The following MBNL3 variants were observed in gnomAD, a reference collection of about 807,000 sequenced individuals.
The protein encoded by MBNL3 is muscleblind-like protein 3.
Under a neutral mutation model 24.5 loss-of-function variants are expected in MBNL3, and 6 were observed. The ratio of observed to expected loss-of-function variants is 0.25; its 90% CI spans 0.13 to 0.48. The LOEUF (loss-of-function observed/expected upper bound fraction) is 0.48, where lower values mean the gene tolerates loss of function less well. Ranked by LOEUF, MBNL3 falls within the 20% of genes least tolerant of loss-of-function variation. The pLI is 0.99. For synonymous variants in MBNL3, 100 were observed against 101.7 expected (o/e 0.98, Z 0.10); for missense variants, 230 against 293.5 (o/e 0.78, Z 1.58).
chrX:132,385,198 G>A (rs990357856), intron 6 of MBNL3, among the ~76,000 whole-genome samples: 3 of 110,407 alleles, frequency 2.7e-5, no homozygotes, highest in African/African-American at 9.9e-5. Context: ...AGGCTTTTAT[G>A]TTGCTACTAA....
At chrX:132,485,648 T>A (rs1311007242) in intron 1 of MBNL3, among the ~76,000 whole-genome samples, 1 of 112,386 alleles carries the variant, frequency 8.9e-6, no homozygotes, top group African/African-American at 3.2e-5. Flanking sequence ...GCCCACATTA[T>A]GAAAGATCTA....
At chrX:132,485,435 T>G (rs961035500) in intron 1 of MBNL3, among the ~76,000 whole-genome samples, 3 of 112,382 alleles carry the variant, frequency 2.7e-5, no homozygotes, top group Non-Finnish European at 5.6e-5. Flanking sequence ...GCATTTTTAC[T>G]ACAATGATCT....
chrX:132,449,652 T>C (rs934479574), intron 1 of MBNL3, among the ~76,000 whole-genome samples: 2 of 109,295 alleles, frequency 1.8e-5, no homozygotes, highest in Non-Finnish European at 3.8e-5. Context: ...CCCATTTACA[T>C]TTAAGGTTAA....
intron 2 of MBNL3, among the ~76,000 whole-genome samples, chrX:132,425,279 A>C (rs891539478): frequency 8.9e-6 from 1 of 112,015 alleles, no homozygotes; most frequent in Non-Finnish European, 1.9e-5. Flanking sequence ...AATGGAGATG[A>C]ACATGGAGAA....
At position 132,439,752 on chromosome X, in the gene MBNL3, G is replaced by GT; in HGVS notation, c.-142dup. On this transcript the variant is annotated 5_prime_UTR_variant, in exon 2 of 9. It removes the in-frame stop codon of an upstream open reading frame in the 5' UTR. Coordinates refer to ENST00000370853, the MANE Select transcript of MBNL3 (RefSeq NM_001386889.1). ...GAAATGTCTATTTGTTAACACTTAG[G>GT]TTTTCATTAAAGTCAAATCTGGTCT... The GT allele has an allele frequency of 4.4e-6, 4 of 908,398 alleles. No individual in the cohort carries two copies. Among genetic ancestry groups the GT allele is most frequent in the Non-Finnish European group, 5.7e-6 (4 of 706,999 alleles). 74.9% of individuals were successfully genotyped at this position (908,398 alleles called of 1,213,427 possible). A position where few individuals can be genotyped will look rare whatever the true frequency, so the allele number is the denominator to read the frequency against.
At chrX:132,470,709 C>T (rs1410768007) in intron 1 of MBNL3, among the ~76,000 whole-genome samples, 2 of 111,426 alleles carry the variant, frequency 1.8e-5, no homozygotes, top group Non-Finnish European at 3.8e-5. Context: ...ATGATGCTTT[C>T]CCCCCTCCAC....
At chrX:132,449,991 C>G (rs978508520) in intron 1 of MBNL3, among the ~76,000 whole-genome samples, 5 of 70,502 alleles carry the variant, frequency 7.1e-5, no homozygotes, top group Non-Finnish European at 1.5e-4. Context: ...CCCCCCCCCC[C>G]CCGCCACTTC....
intron 2 of MBNL3, chrX:132,430,274 G>A (rs1201111450): frequency 2.7e-5 from 3 of 111,258 alleles, no homozygotes; most frequent in African/African-American, 9.8e-5. Flanking sequence ...AATACCTGGA[G>A]TCCCTGTATA....
chrX:132,468,978 T>C (rs1043481755), intron 1 of MBNL3, among the ~76,000 whole-genome samples: 2 of 112,669 alleles, frequency 1.8e-5, no homozygotes, highest in Admixed American at 9.4e-5. Context: ...TTACAAACTA[T>C]GTAATTGTAC....
At chrX:132,435,089 G>A (rs906668102) in intron 2 of MBNL3, among the ~76,000 whole-genome samples, 1 of 111,411 alleles carries the variant, frequency 9.0e-6, no homozygotes, top group African/African-American at 3.3e-5. Flanking sequence ...CTATCAATAT[G>A]TATTTGTTTG....
At chrX:132,396,829 TATATATATTCATATATACATATATATTC>T (rs1939499845) in intron 3 of MBNL3, among the ~76,000 whole-genome samples, 1 of 36,767 alleles carries the variant, frequency 2.7e-5, no homozygotes, top group East Asian at 5.6e-4. Context: ...TATATATTCA[TATATATATTCATATATACATATATATTC>T]ATATATATAT....
chrX:132,374,396 A>G lies in MBNL3; in HGVS notation c.*5270T>C, dbSNP rs1019662842. 3 of 110,568 alleles carry G rather than the reference A, an allele frequency of 2.7e-5. No homozygotes were observed. The highest frequency in any genetic ancestry group is 5.7e-5 in the Non-Finnish European group (3 of 52,685). 9.1% of individuals were successfully genotyped at this position (110,568 alleles called of 1,213,427 possible). ...TCTTGTTAAAAGATGAAGTTATTCTACTCTTGTTCAGTGCTGTTAGCTGAG... is the reference window on the plus strand; with the variant it reads ...TCTTGTTAAAAGATGAAGTTATTCTGCTCTTGTTCAGTGCTGTTAGCTGAG... On this transcript the variant is annotated 3_prime_UTR_variant, in exon 9 of 9. Coordinates refer to ENST00000370853, the MANE Select transcript of MBNL3 (RefSeq NM_001386889.1).
At chrX:132,424,056 G>T (rs959402907) in intron 2 of MBNL3, among the ~76,000 whole-genome samples, 5 of 111,739 alleles carry the variant, frequency 4.5e-5, no homozygotes, top group Non-Finnish European at 7.5e-5. Context: ...GTGGAACAAT[G>T]GAGATAATTG....
At chrX:132,486,517 G>C (rs1948017584) in intron 1 of MBNL3, among the ~76,000 whole-genome samples, 2 of 112,442 alleles carry the variant, frequency 1.8e-5, no homozygotes, top group African/African-American at 3.2e-5. Flanking sequence ...GAAGTACAAT[G>C]AGAGGCAAGA....
Position 132,396,488 on chromosome X carries a change from C to CTA in MBNL3, c.343-4156_343-4155dup, listed in dbSNP as rs1341718513. Among the ~76,000 whole-genome samples, 18 of 56,628 alleles carry CTA rather than the reference C, an allele frequency of 3.2e-4. 1 individual carries two copies. Among genetic ancestry groups the CTA allele is most frequent in the East Asian group, 1.0e-3 (2 of 1,939 alleles). 49.2% of individuals were successfully genotyped at this position (56,628 alleles called of 115,157 possible). On this transcript the variant is annotated intron_variant, in intron 3 of 8. Coordinates refer to ENST00000370853, the MANE Select transcript of MBNL3 (RefSeq NM_001386889.1). The stretch of plus-strand genomic sequence containing the variant: ...TTCCTATATATATTCATATATATTC[C>CTA]TATATATATTCCTATATATATTCAT...
At position 132,440,201 on chromosome X, in the gene MBNL3, G is replaced by A. The variant is rs1363605647; in HGVS notation, c.-590C>T. Among the ~76,000 whole-genome samples the A allele has an allele frequency of 4.5e-5, 5 of 110,557 alleles. No individual in the cohort carries two copies. The highest frequency in any genetic ancestry group is 9.7e-5 in the Admixed American group (1 of 10,331). Reference sequence around the variant, plus strand: ...AGTAAACTACAAGCACACCAGGTTCGGCGGGGAGGTGGAGAGGGCAGGGAA... The same window carrying A: ...AGTAAACTACAAGCACACCAGGTTCAGCGGGGAGGTGGAGAGGGCAGGGAA... On this transcript the variant is annotated 5_prime_UTR_variant, in exon 2 of 9. Transcript: ENST00000370853.
intron 1 of MBNL3, among the ~76,000 whole-genome samples, chrX:132,483,499 G>T (rs1414898159): frequency 1.8e-5 from 2 of 112,041 alleles, no homozygotes; most frequent in African/African-American, 6.5e-5. Context: ...ATTCTACAGG[G>T]TGCTTTTGTT....
chrX:132,407,570 C>G (rs1289354809), intron 2 of MBNL3, among the ~76,000 whole-genome samples: 1 of 112,116 alleles, frequency 8.9e-6, no homozygotes, highest in Non-Finnish European at 1.9e-5. Context: ...TTAAGAATCA[C>G]GTTAACCTAA....
At chrX:132,487,458 T>C (rs1276290773) in intron 1 of MBNL3, among the ~76,000 whole-genome samples, 2 of 112,632 alleles carry the variant, frequency 1.8e-5, no homozygotes, top group African/African-American at 6.5e-5. Flanking sequence ...TGTTTCTAGG[T>C]AGACTACAGC....
Sources: allele counts gnomAD v4.1 joint callset (sites outside exome capture counted in the v4.1 genomes callset), GRCh38; gene constraint gnomAD v4.1.1; transcripts MANE v1.5; gene names NCBI Gene and HGNC (gene_info 2026-07-23, HGNC 2026-07-21).